CDCA2: variants seen among roughly 807,000 people sequenced by gnomAD.
CDCA2 encodes the protein cell division cycle-associated protein 2.
Under a neutral mutation model 67.0 loss-of-function variants are expected in CDCA2, and 44 were observed. The observed-to-expected ratio is 0.66, with a 90% confidence interval of 0.52 to 0.84. The LOEUF (loss-of-function observed/expected upper bound fraction) is 0.84. CDCA2 is among the 40% of genes least tolerant of loss of function. CDCA2 has a pLI of 0.00. For missense variants in CDCA2, 1,253 were observed against 1,203.2 expected (o/e 1.04, Z -0.61); for synonymous variants, 447 against 418.7 (o/e 1.07, Z -0.82).
intron 13 of CDCA2, among the ~76,000 whole-genome samples, chr8:25,493,747 A>G (rs1046887905): frequency 1.3e-5 from 2 of 152,188 alleles, no homozygotes; most frequent in Non-Finnish European, 2.9e-5. Flanking sequence ...CAAAAATCTG[A>G]AAGTTGACAG....
Position 25,462,095 on chromosome 8 carries a change from G to T in CDCA2, c.274G>T (p.Ala92Ser). The T allele has an allele frequency of 1.2e-6, 2 of 1,614,172 alleles. No homozygotes were observed. Among genetic ancestry groups the T allele is most frequent in the South Asian group, 2.2e-5 (2 of 91,088 alleles). The change falls in exon 4 of 15, where the codon GCA becomes TCA. Residue 92 changes from alanine to serine, a missense_variant. By Grantham distance (99) the Ala-to-Ser change is moderately conservative. Transcript: ENST00000330560. Reference protein sequence around the residue: ...SYLKKCRRRSAVGARGSPETN... With the variant: ...SYLKKCRRRSSVGARGSPETN... ...CCTTAAAAAATGTAGACGACGTTCT[G>T]CAGTCGGTGCTCGGGGCTCTCCTGA...
At chr8:25,506,402 A>G (rs926640177) in intron 14 of CDCA2, 108 bp from the exon 15 acceptor site, 2 of 998,650 alleles carry the variant, frequency 2.0e-6, no homozygotes, top group Non-Finnish European at 2.8e-6. Context: ...GGTCTTGTGA[A>G]TGCTTAAAAC....
In CDCA2 at chr8:25,460,233, C is replaced by T. The variant is rs1435929964; in HGVS notation, c.1-7C>T. 4 of 1,613,938 alleles carry T rather than the reference C, an allele frequency of 2.5e-6. No individual in the cohort carries two copies. The highest frequency in any genetic ancestry group is 1.3e-5 in the African/African-American group (1 of 75,028). ...GTTATTTTTCATTGTTTTTCTTCAC[C>T]TCTTAGATGGATGCCAATTCAAAAG... is the stretch of plus-strand genomic sequence containing the variant. On this transcript the variant is annotated splice_region_variant and splice_polypyrimidine_tract_variant and intron_variant, in intron 1 of 14. Coordinates refer to ENST00000330560, the MANE Select transcript of CDCA2 (RefSeq NM_152562.4).
intron 7 of CDCA2, among the ~76,000 whole-genome samples, chr8:25,473,801 T>C (rs1490230670): frequency 2.6e-5 from 4 of 152,212 alleles, no homozygotes; most frequent in Admixed American, 2.0e-4. Flanking sequence ...TTTGTAAATA[T>C]GCATCCAGTT....
rs1247841083 is a variant in CDCA2 at position 25,483,299 on chromosome 8, C to CT, written c.1033-99dup. 6 of 608,434 alleles carry CT rather than the reference C, an allele frequency of 9.9e-6. No individual in the cohort carries two copies. In the East Asian group the frequency reaches 1.6e-4, roughly 16 times the overall value. 37.7% of individuals were successfully genotyped at this position (608,434 alleles called of 1,614,324 possible). A position where few individuals can be genotyped will look rare whatever the true frequency, so the allele number is the denominator to read the frequency against. On this transcript the variant is annotated intron_variant, in intron 8 of 14. Transcript: ENST00000330560. The stretch of plus-strand genomic sequence containing the variant: ...AAGGTAATCTTTAATACTGGAATAT[C>CT]TATCTGCAGTTGACAGAGAATTTCA...
At position 25,485,755 on chromosome 8, in the gene CDCA2, T is replaced by G; in HGVS notation, c.1366-4T>G. The G allele has an allele frequency of 1.3e-6, 2 of 1,580,232 alleles. No homozygotes were observed. Among genetic ancestry groups the G allele is most frequent in the Non-Finnish European group, 1.7e-6 (2 of 1,157,716 alleles). ...ATCTAACTTCTGTCTTTTCCTTTGT[T>G]TAGGAAAACATAGAACCACTTCAAG... On this transcript the variant is annotated splice_polypyrimidine_tract_variant and splice_region_variant and intron_variant, in intron 10 of 14. Coordinates refer to ENST00000330560, the MANE Select transcript of CDCA2 (RefSeq NM_152562.4).
Position 25,468,419 on chromosome 8 carries a change from T to C in CDCA2, c.735+6T>C, listed in dbSNP as rs1051504898. On this transcript the variant is annotated splice_donor_region_variant and intron_variant, in intron 6 of 14. Transcript: ENST00000330560. ...CTTCTGTAGATCTTTCTGAGGTAAT[T>C]CACTTACTTTACGCATAGGAAAATG... 3.1e-6 allele frequency: 5 copies of C among 1,607,312 alleles called. No homozygotes were observed. The highest frequency in any genetic ancestry group is 1.1e-5 in the South Asian group (1 of 90,310).
At chr8:25,482,516 A>T (rs1447363197) in intron 8 of CDCA2, among the ~76,000 whole-genome samples, 1 of 152,248 alleles carries the variant, frequency 6.6e-6, no homozygotes, top group East Asian at 1.9e-4. Context: ...TAAAAACAAT[A>T]ACATATAACA....
intron 14 of CDCA2, among the ~76,000 whole-genome samples, chr8:25,505,923 G>A (rs1020988884): frequency 2.0e-5 from 3 of 152,108 alleles, no homozygotes; most frequent in African/African-American, 7.2e-5. Flanking sequence ...TTAGTCAAAG[G>A]CTGAGGAATT....
At chr8:25,474,151 A>T (rs1330904335) in intron 7 of CDCA2, among the ~76,000 whole-genome samples, 1 of 152,218 alleles carries the variant, frequency 6.6e-6, no homozygotes, top group South Asian at 2.1e-4. Flanking sequence ...ATCTAATTTG[A>T]TCATGGTGAA....
At chr8:25,468,528 C>T (rs1803016551) in intron 6 of CDCA2, 115 bp downstream of exon 6, 5 of 389,974 alleles carry the variant, frequency 1.3e-5, no homozygotes, top group Admixed American at 4.3e-5. Flanking sequence ...CCTGTGGTTC[C>T]TGGGGTGTGT....
In CDCA2 at chr8:25,468,394, C is replaced by G. The variant is rs566603126; in HGVS notation, c.716C>G (p.Thr239Ser). 1.3e-5 allele frequency: 21 copies of G among 1,610,870 alleles called. 1 individual carries two copies. The South Asian group carries it at 2.2e-4, about 17-fold the overall frequency. ...ACAGACAGAGCATGTGCAGTTGAAA[C>G]TTCTGTAGATCTTTCTGAGGTAATT... is the stretch of plus-strand genomic sequence containing the variant. Reference protein sequence around the residue: ...IDTDRACAVETSVDLSEISSK... With the variant: ...IDTDRACAVESSVDLSEISSK... Residue 239 changes from threonine (T) to serine (S), a missense_variant, in exon 6 of 15, where the codon ACT becomes AGT. Physicochemically the swap from Thr to Ser is moderately conservative, Grantham distance 58 (BLOSUM62 1). Transcript: ENST00000330560.
rs1234063285 is a variant in CDCA2, at chr8:25,478,093, A to AT, written c.821-1809dup. 7.6e-3 allele frequency among the ~76,000 whole-genome samples: 1,107 copies of AT among 146,224 alleles called. 10 individuals carry two copies. Among genetic ancestry groups the AT allele is most frequent in the African/African-American group, 0.025 (985 of 39,960 alleles). On this transcript the variant is annotated intron_variant, in intron 7 of 14. Coordinates refer to ENST00000330560, the MANE Select transcript of CDCA2 (RefSeq NM_152562.4). ...AGGTGCTCACTACCATGCCCAGCTAATTTTTTTTTTTGGTAGGTACAGGAT... is the reference window on the plus strand; with the variant it reads ...AGGTGCTCACTACCATGCCCAGCTAATTTTTTTTTTTTGGTAGGTACAGGAT...
intron 6 of CDCA2, 46 bp from the exon 7 acceptor site, chr8:25,469,850 G>T: frequency 1.7e-6 from 2 of 1,211,104 alleles, no homozygotes; most frequent in Non-Finnish European, 2.4e-6. Context: ...GGCATTAGTA[G>T]TACTCTAATT....
At chr8:25,489,993 CTA>C in intron 13 of CDCA2, among the ~76,000 whole-genome samples, 2 of 152,236 alleles carry the variant, frequency 1.3e-5, no homozygotes, top group Admixed American at 1.3e-4. Context: ...CCTTCCCCCT[CTA>C]TGAAATAAAA....
At chr8:25,464,235 A>G (rs1043591351) in intron 4 of CDCA2, among the ~76,000 whole-genome samples, 1 of 152,148 alleles carries the variant, frequency 6.6e-6, no homozygotes, top group African/African-American at 2.4e-5. Context: ...GCAACATGAC[A>G]AAACTCCATC....
intron 13 of CDCA2, among the ~76,000 whole-genome samples, chr8:25,495,869 G>T (rs1049369450): frequency 2.6e-4 from 39 of 152,258 alleles, no homozygotes; most frequent in African/African-American, 8.2e-4. Context: ...AGAGACAAAA[G>T]ATATATTTTT....
At chr8:25,487,614 A>G (rs542487890) in intron 12 of CDCA2, among the ~76,000 whole-genome samples, 116 of 152,154 alleles carry the variant, frequency 7.6e-4, no homozygotes, top group African/African-American at 2.3e-3. Context: ...GTGGTGGTGG[A>G]CGCCTGTAGT....
chr8:25,498,453 A>ACCCCCCCCC (rs60633246), intron 13 of CDCA2, among the ~76,000 whole-genome samples: 3 of 76,610 alleles, frequency 3.9e-5, no homozygotes, highest in Admixed American at 1.8e-4. Context: ...GGTAATCTGC[A>ACCCCCCCCC]CCCCCCCCCC....
Sources: allele counts gnomAD v4.1 joint callset (sites outside exome capture counted in the v4.1 genomes callset), GRCh38; gene constraint gnomAD v4.1.1; transcripts MANE v1.5; gene names NCBI Gene and HGNC (gene_info 2026-07-23, HGNC 2026-07-21).